PDZD2: variants seen among roughly 807,000 people sequenced by gnomAD.
PDZD2 encodes the protein PDZ domain containing 2.
PDZD2 carries 90 observed loss-of-function variants against 220.7 expected under a neutral mutation model. The observed-to-expected ratio is 0.41, with a 90% CI of 0.34 to 0.49. PDZD2 has a LOEUF of 0.49. PDZD2 is among the 20% of genes least tolerant of loss of function. The pLI is 0.28. For missense variants in PDZD2, 3,174 were observed against 3,608.5 expected (o/e 0.88, Z 3.08); for synonymous variants, 1,375 against 1,450.5 (o/e 0.95, Z 1.18).
rs114326543 is a variant in PDZD2, at chr5:31,867,511, C to T, written c.476+67787C>T. ...GCTGGCAGAGCCTTTCTCTGGGAGGCCTTTGCTGCTACACGGAGATCGGTG... is the reference window on the plus strand; with the variant it reads ...GCTGGCAGAGCCTTTCTCTGGGAGGTCTTTGCTGCTACACGGAGATCGGTG... On this transcript the variant is annotated intron_variant, in intron 2 of 24. Coordinates refer to ENST00000438447, the MANE Select transcript of PDZD2 (RefSeq NM_178140.4). Among the ~76,000 whole-genome samples the T allele has an allele frequency of 8.1e-3, 1,226 of 152,248 alleles. 24 individuals are homozygous for T. The highest frequency in any genetic ancestry group is 0.028 in the African/African-American group (1,174 of 41,550).
intron 2 of PDZD2, among the ~76,000 whole-genome samples, chr5:31,880,428 T>C (rs181644945): frequency 2.0e-5 from 3 of 152,236 alleles, no homozygotes; most frequent in Non-Finnish European, 4.4e-5. Context: ...ATTTCATCGC[T>C]GCTTCAATAG....
At chr5:31,665,645 C>CCA (rs1554060783) in intron 1 of PDZD2, among the ~76,000 whole-genome samples, 1 of 24,462 alleles carries the variant, frequency 4.1e-5, no homozygotes, top group African/African-American at 1.0e-4. Context: ...AGTTCCCCCT[C>CCA]CCCCCCCTCC....
intron 2 of PDZD2, among the ~76,000 whole-genome samples, chr5:31,848,922 G>T (rs993218817): frequency 6.6e-6 from 1 of 151,648 alleles, no homozygotes; most frequent in African/African-American, 2.4e-5. Context: ...GGTGGCAGGC[G>T]CCTGTAGTCC....
At chr5:31,868,650 G>A (rs945230489) in intron 2 of PDZD2, among the ~76,000 whole-genome samples, 1 of 152,064 alleles carries the variant, frequency 6.6e-6, no homozygotes, top group Non-Finnish European at 1.5e-5. Context: ...TTAACTCCTG[G>A]GCCCCTTGTT....
intron 1 of PDZD2, among the ~76,000 whole-genome samples, chr5:31,668,934 C>T (rs558959093): frequency 6.6e-6 from 1 of 152,248 alleles, no homozygotes; most frequent in East Asian, 1.9e-4. Context: ...CCAAGTGGGG[C>T]TGGGGCTGGA....
At chr5:31,974,127 C>A (rs1056503010) in intron 2 of PDZD2, among the ~76,000 whole-genome samples, 1 of 152,074 alleles carries the variant, frequency 6.6e-6, no homozygotes, top group African/African-American at 2.4e-5. Flanking sequence ...ATTACAGGCA[C>A]CCGCTACCAC....
intron 14 of PDZD2, among the ~76,000 whole-genome samples, chr5:32,065,981 A>G (rs887988302): frequency 2.5e-4 from 38 of 151,542 alleles, no homozygotes; most frequent in African/African-American, 9.2e-4. Flanking sequence ...CCGAGATCGC[A>G]CCATCACACT....
chr5:31,830,911 C>A (rs62348971), intron 2 of PDZD2, among the ~76,000 whole-genome samples: 12,965 of 152,232 alleles, frequency 0.085, 731 homozygotes, highest in Middle Eastern at 0.13. Flanking sequence ...TGTGGCACAG[C>A]TCAGACAGCA....
chr5:31,957,414 T>C (rs774403727), intron 2 of PDZD2, among the ~76,000 whole-genome samples: 17 of 152,216 alleles, frequency 1.1e-4, no homozygotes, highest in Non-Finnish European at 1.5e-5. Context: ...GTTACGGGGC[T>C]GACCAGGGTA....
chr5:32,067,766 T>C (rs1256819386), intron 14 of PDZD2, among the ~76,000 whole-genome samples: 1 of 152,138 alleles, frequency 6.6e-6, no homozygotes, highest in African/African-American at 2.4e-5. Flanking sequence ...AAAAAAATCT[T>C]CCCATGAATA....
chr5:31,664,650 C>T (rs541689741), intron 1 of PDZD2, among the ~76,000 whole-genome samples: 3 of 152,280 alleles, frequency 2.0e-5, no homozygotes, highest in Admixed American at 2.0e-4. Flanking sequence ...GTTCTGTTCC[C>T]CAGCATGGGT....
chr5:31,823,268 C>T (rs1054738052), intron 2 of PDZD2: 2 of 335,230 alleles, frequency 6.0e-6, no homozygotes, highest in Middle Eastern at 1.1e-3. Context: ...AGATCAAGAC[C>T]AGCTGGGCCA....
intron 6 of PDZD2, among the ~76,000 whole-genome samples, chr5:32,018,827 C>T (rs1298633421): frequency 6.6e-6 from 1 of 152,160 alleles, no homozygotes; most frequent in Admixed American, 6.5e-5. Flanking sequence ...GTCGGATTGC[C>T]AGAGCAAGAT....
intron 22 of PDZD2, 35 bp downstream of exon 22, chr5:32,097,415 C>T (rs770257846): frequency 8.4e-6 from 11 of 1,310,270 alleles, no homozygotes; most frequent in Non-Finnish European, 1.2e-5. Flanking sequence ...TCAGGAAAAT[C>T]CCCCCTCAAG....
chr5:31,883,049 G>C (rs570319860), intron 2 of PDZD2, among the ~76,000 whole-genome samples: 2 of 94,460 alleles, frequency 2.1e-5, no homozygotes, highest in South Asian at 7.9e-4. Flanking sequence ...AAAAAAAAAA[G>C]GCCCAGGGGG....
intron 24 of PDZD2, among the ~76,000 whole-genome samples, chr5:32,105,939 T>G (rs1744722472): frequency 6.6e-6 from 1 of 152,236 alleles, no homozygotes; most frequent in Admixed American, 6.5e-5. Context: ...CAACACTGAA[T>G]GTTTCCTAAA....
At chr5:31,670,631 C>T (rs992513545) in intron 1 of PDZD2, among the ~76,000 whole-genome samples, 2 of 152,024 alleles carry the variant, frequency 1.3e-5, no homozygotes, top group Non-Finnish European at 2.9e-5. Context: ...CCATGTTGGT[C>T]ATGCTGGTGT....
At chr5:31,818,047 G>A (rs936982171) in intron 2 of PDZD2, among the ~76,000 whole-genome samples, 2 of 138,512 alleles carry the variant, frequency 1.4e-5, no homozygotes, top group African/African-American at 2.7e-5. Flanking sequence ...ACGGCTCACC[G>A]CAGCCTCAAC....
At chr5:31,913,338 T>TGG (rs112768125) in intron 2 of PDZD2, among the ~76,000 whole-genome samples, 21 of 82,658 alleles carry the variant, frequency 2.5e-4, no homozygotes, top group African/African-American at 6.5e-4. Context: ...GAAACTTCCT[T>TGG]GGGGAAAAAA....
Sources: allele counts gnomAD v4.1 joint callset (sites outside exome capture counted in the v4.1 genomes callset), GRCh38; gene constraint gnomAD v4.1.1; transcripts MANE v1.5; gene names NCBI Gene and HGNC (gene_info 2026-07-23, HGNC 2026-07-21).